The following CACYBP variants were observed in gnomAD, a reference collection of about 807,000 sequenced individuals.
CACYBP encodes calcyclin binding protein, also known as calcyclin-binding protein.
Under a neutral mutation model 29.6 loss-of-function variants are expected in CACYBP, and 11 were observed. The observed-to-expected ratio is 0.37, with a 90% CI of 0.23 to 0.61. The LOEUF (loss-of-function observed/expected upper bound fraction) is 0.61, where lower values mean the gene tolerates loss of function less well. Ranked by LOEUF, CACYBP falls within the 20% of genes least tolerant of loss-of-function variation. The pLI, the probability that CACYBP is intolerant of heterozygous loss-of-function variation, is 0.65. For synonymous variants in CACYBP, 73 were observed against 88.3 expected, an observed-to-expected ratio of 0.83 and a Z score of 0.97; for missense variants, 163 against 260.7, an observed-to-expected ratio of 0.63 and a Z score of 2.58.
intron 5 of CACYBP, 63 bp from the exon 6 acceptor site, chr1:175,009,860 C>T (rs1672706490): frequency 7.4e-7 from 1 of 1,346,668 alleles, no homozygotes; most frequent in Non-Finnish European, 1.0e-6. Flanking sequence ...TGTTAACAAC[C>T]TGAATGATAG....
At chr1:175,001,698 A>G (rs1319020289) in intron 1 of CACYBP, among the ~76,000 whole-genome samples, 7 of 152,244 alleles carry the variant, frequency 4.6e-5, no homozygotes, top group Admixed American at 4.6e-4. Context: ...TATTATATGC[A>G]TGTGGCACAT....
chr1:175,004,983 A>G (rs753384897), intron 2 of CACYBP, 150 bp downstream of exon 2: 2 of 690,712 alleles, frequency 2.9e-6, no homozygotes, highest in Non-Finnish European at 5.3e-6. Flanking sequence ...AACTTTTTTA[A>G]GATATAAATA....
chr1:175,004,233 C>T (rs1304260943), intron 1 of CACYBP, among the ~76,000 whole-genome samples: 1 of 152,146 alleles, frequency 6.6e-6, no homozygotes, highest in African/African-American at 2.4e-5. Flanking sequence ...TTAAAAGTGT[C>T]TAACATCTAA....
intron 2 of CACYBP, 47 bp downstream of exon 2, chr1:175,004,880 T>A (rs778933771): frequency 8.4e-7 from 1 of 1,187,672 alleles, no homozygotes; most frequent in Admixed American, 1.7e-5. Flanking sequence ...AGCAACCTAT[T>A]CCTCATAGTG....
intron 5 of CACYBP, 55 bp from the exon 6 acceptor site, chr1:175,009,868 T>G (rs1038590446): frequency 7.9e-6 from 11 of 1,397,918 alleles, no homozygotes; most frequent in Non-Finnish European, 1.1e-5. Context: ...ACCTGAATGA[T>G]AGTATCTTCC....
At chr1:175,009,488 A>G (rs1672694393) in intron 5 of CACYBP, among the ~76,000 whole-genome samples, 1 of 151,968 alleles carries the variant, frequency 6.6e-6, no homozygotes, top group African/African-American at 2.4e-5. Context: ...TCTACTAAAA[A>G]TACAAAAATT....
chr1:175,009,124 G>A (rs1672685735), intron 5 of CACYBP, among the ~76,000 whole-genome samples: 1 of 152,132 alleles, frequency 6.6e-6, no homozygotes. Flanking sequence ...TTCTAGGTCA[G>A]TTCATCTTCT....
At chr1:175,000,600 G>A in intron 1 of CACYBP, 6 of 1,098,350 alleles carry the variant, frequency 5.5e-6, no homozygotes, top group Non-Finnish European at 5.6e-6. Flanking sequence ...CGGTTGGAAG[G>A]TGAGTTCTCA....
Position 175,011,451 on chromosome 1 carries a change from A to AAAT in CACYBP, c.*1374_*1376dup, listed in dbSNP as rs1228074149. On this transcript the variant is annotated 3_prime_UTR_variant, in exon 6 of 6. Coordinates refer to ENST00000367679, the MANE Select transcript of CACYBP (RefSeq NM_014412.3). ...TCTAATTGTAAAAAGTAAAGCATACAAATACTAGAAGAAAATGGAGGAAAA... is the reference window on the plus strand; with the variant it reads ...TCTAATTGTAAAAAGTAAAGCATACAAATAATACTAGAAGAAAATGGAGGAAAA... The AAAT allele has an allele frequency of 6.6e-6, 1 of 152,196 alleles. No homozygotes were observed. The highest frequency in any genetic ancestry group is 1.9e-4 in the East Asian group (1 of 5,198). The allele number at this position is 152,196 out of a possible 1,614,324, so 9.4% of individuals were successfully genotyped here.
intron 2 of CACYBP, among the ~76,000 whole-genome samples, chr1:175,006,176 A>G (rs1442207073): frequency 1.3e-5 from 2 of 152,152 alleles, no homozygotes; most frequent in Non-Finnish European, 2.9e-5. Flanking sequence ...ACGTGCTGGT[A>G]GTTTGATAAT....
In CACYBP at chr1:175,006,737, G is replaced by A. The variant is rs201198662; in HGVS notation, c.236-8G>A. The A allele has an allele frequency of 3.6e-5, 54 of 1,520,584 alleles. No homozygotes were observed. The highest frequency in any genetic ancestry group is 4.5e-4 in the Middle Eastern group (2 of 4,438). The allele number at this position is 1,520,584 out of a possible 1,614,324, so 94.2% of individuals were successfully genotyped here. On this transcript the variant is annotated splice_region_variant and splice_polypyrimidine_tract_variant and intron_variant, in intron 2 of 5. Transcript: ENST00000367679. The stretch of plus-strand genomic sequence containing the variant: ...TACTTACGTCCCATCTTTTGTTGTC[G>A]TTGCCAGGATGGGATCAGTCAGATA...
At position 175,000,161 on chromosome 1, in the gene CACYBP, T is replaced by C; in HGVS notation, c.-20T>C. The C allele has an allele frequency of 1.9e-6, 3 of 1,604,894 alleles. No individual in the cohort carries two copies. Among genetic ancestry groups the C allele is most frequent in the Non-Finnish European group, 2.6e-6 (3 of 1,175,774 alleles). ...CTTCTGCGCGGCTGCAGCTCGGGAC[T>C]TCGGCCTGACCCAGCCCCCATGGCT... On this transcript the variant is annotated 5_prime_UTR_variant, in exon 1 of 6. Coordinates refer to ENST00000367679, the MANE Select transcript of CACYBP (RefSeq NM_014412.3).
At chr1:175,006,560 A>G in intron 2 of CACYBP, 185 bp from the exon 3 acceptor site, 1 of 452,368 alleles carries the variant, frequency 2.2e-6, no homozygotes, top group Non-Finnish European at 3.9e-6. Context: ...CTTTGGGTAG[A>G]GTACTTAACT....
At chr1:175,002,942 G>T (rs1396335578) in intron 1 of CACYBP, among the ~76,000 whole-genome samples, 1 of 152,082 alleles carries the variant, frequency 6.6e-6, no homozygotes, top group Non-Finnish European at 1.5e-5. Flanking sequence ...TTTTTATTAT[G>T]AATTAGGAGT....
intron 2 of CACYBP, 139 bp downstream of exon 2, chr1:175,004,972 A>C: frequency 1.4e-6 from 1 of 703,684 alleles, no homozygotes; most frequent in Non-Finnish European, 2.6e-6. Context: ...TTATTTAATA[A>C]AACTTTTTTA....
rs1423798994 is a variant in CACYBP at position 175,006,760 on chromosome 1, A to AT, written c.252dup (p.Lys85Ter). 1 of 1,593,128 alleles carries AT rather than the reference A, an allele frequency of 6.3e-7. No individual in the cohort carries two copies. The highest frequency in any genetic ancestry group is 8.6e-7 in the Non-Finnish European group (1 of 1,162,438). On this transcript the variant is annotated frameshift_variant, in exon 3 of 6. Coordinates refer to ENST00000367679, the MANE Select transcript of CACYBP (RefSeq NM_014412.3). LOFTEE classifies it high-confidence loss of function. Reference sequence around the variant, plus strand: ...TCGTTGCCAGGATGGGATCAGTCAGATAAGTTTGTGAAAATCTACATTACC... The same window carrying AT: ...TCGTTGCCAGGATGGGATCAGTCAGATTAAGTTTGTGAAAATCTACATTACC...
Position 175,004,693 on chromosome 1 carries a change from A to G in CACYBP, c.95A>G (p.Glu32Gly). The change falls in exon 2 of 6, where the codon GAA becomes GGA. Residue 32 changes from glutamate (E) to glycine (G), a missense_variant. By Grantham distance (98) the Glu-to-Gly change is moderately conservative. Transcript: ENST00000367679. ...AGAGTACGTGATGCCCTTACAGCTG[A>G]AAAATCCAAGATTGAGACAGAAATC... ...RKRVRDALTAEKSKIETEIKN... is the reference protein window; with the variant it reads ...RKRVRDALTAGKSKIETEIKN... The G allele has an allele frequency of 3.7e-6, 6 of 1,614,056 alleles. No homozygotes were observed. The highest frequency in any genetic ancestry group is 1.1e-5 in the South Asian group (1 of 91,080).
At chr1:175,002,700 CAG>C (rs1357377659) in intron 1 of CACYBP, among the ~76,000 whole-genome samples, 18 of 152,138 alleles carry the variant, frequency 1.2e-4, no homozygotes, top group African/African-American at 4.3e-4. Context: ...CTGCCAATAA[CAG>C]AACTGAGGAA....
At chr1:175,002,316 A>AT (rs1274305916) in intron 1 of CACYBP, among the ~76,000 whole-genome samples, 2 of 152,070 alleles carry the variant, frequency 1.3e-5, no homozygotes, top group African/African-American at 4.8e-5. Context: ...TCGGTTTATG[A>AT]TACCATCCTA....
Sources: gnomAD v4.1 joint callset for allele counts (sites outside exome capture counted in the v4.1 genomes callset) on GRCh38, gnomAD v4.1.1 for gene constraint, MANE v1.5 for transcripts, NCBI Gene and HGNC (gene_info 2026-07-23, HGNC 2026-07-21) for gene names.